Variants in RDX observed in about 807,000 individuals in gnomAD.
RDX encodes the protein deafness, autosomal recessive 24.
Under a neutral mutation model 83.7 loss-of-function variants are expected in RDX, and 32 were observed. That is an observed-to-expected ratio of 0.38 (90% CI 0.29 to 0.51). RDX has a LOEUF of 0.51. Among genes scored for constraint, RDX ranks in the 20% least tolerant of loss-of-function variants. The pLI is 0.87. For synonymous variants in RDX, 229 were observed against 222.7 expected, an observed-to-expected ratio of 1.03 and a Z score of -0.25; for missense variants, 600 against 689.9, an observed-to-expected ratio of 0.87 and a Z score of 1.46.
chr11:110,242,674 TA>T (rs1207720349), intron 10 of RDX, among the ~76,000 whole-genome samples: 1 of 152,170 alleles, frequency 6.6e-6, no homozygotes, highest in African/African-American at 2.4e-5. Flanking sequence ...AAGAATTGTA[TA>T]AAAGTGTAAG....
At chr11:110,241,901 TTA>T (rs1322156718) in intron 10 of RDX, among the ~76,000 whole-genome samples, 3 of 152,184 alleles carry the variant, frequency 2.0e-5, no homozygotes, top group Non-Finnish European at 4.4e-5. Context: ...CTTGAGGGCA[TTA>T]TGTTAAGTGA....
chr11:110,198,812 G>A (rs1221014555), intron 15 of RDX, among the ~76,000 whole-genome samples: 3 of 141,250 alleles, frequency 2.1e-5, no homozygotes, highest in Non-Finnish European at 4.6e-5. Flanking sequence ...AAGTAAATCT[G>A]AATACGTCTT....
chr11:110,249,454 C>T (rs962670846), intron 9 of RDX, among the ~76,000 whole-genome samples: 3 of 152,128 alleles, frequency 2.0e-5, no homozygotes, highest in African/African-American at 7.2e-5. Context: ...AGAGAGCTTA[C>T]CTTTGGGGCA....
chr11:110,272,731 C>A, intron 2 of RDX, 112 bp from the exon 3 acceptor site: 1 of 763,350 alleles, frequency 1.3e-6, no homozygotes, highest in Non-Finnish European at 2.2e-6. Context: ...CACAAGAAAT[C>A]TTAAATCTAT....
chr11:110,264,421 T>C (rs1859936598), intron 4 of RDX, among the ~76,000 whole-genome samples, 187 bp from the exon 5 acceptor site: 1 of 152,228 alleles, frequency 6.6e-6, no homozygotes, highest in Admixed American at 6.5e-5. Flanking sequence ...CTCTTGAATG[T>C]GACCTATAAC....
intron 14 of RDX, among the ~76,000 whole-genome samples, chr11:110,213,028 A>G (rs1363161573): frequency 1.3e-5 from 2 of 148,848 alleles, no homozygotes; most frequent in Non-Finnish European, 3.0e-5. Flanking sequence ...TTCAATTAGG[A>G]AAAGAGGAAG....
intron 14 of RDX, among the ~76,000 whole-genome samples, chr11:110,215,047 A>ATATATATAT: frequency 8.6e-6 from 1 of 116,054 alleles, no homozygotes; most frequent in South Asian, 2.6e-4. Context: ...AAAAAAAAAA[A>ATATATATAT]AAATATATAT....
chr11:110,270,245 C>T (rs1860250288), intron 3 of RDX, among the ~76,000 whole-genome samples: 1 of 151,982 alleles, frequency 6.6e-6, no homozygotes, highest in Admixed American at 6.6e-5. Flanking sequence ...AATGGTATAG[C>T]CTACTACACA....
intron 15 of RDX, among the ~76,000 whole-genome samples, chr11:110,177,243 C>T (rs973354454): frequency 6.6e-6 from 1 of 152,246 alleles, no homozygotes; most frequent in Non-Finnish European, 1.5e-5. Flanking sequence ...GAGGCCGCGA[C>T]AGTGCGAACT....
intron 14 of RDX, among the ~76,000 whole-genome samples, chr11:110,215,052 ATAT>A (rs1565295573): frequency 0.025 from 1,528 of 60,558 alleles, 20 homozygotes; most frequent in East Asian, 0.14. Context: ...AAAAAAAAAT[ATAT>A]ATATATATAT....
rs796202118 is a variant in RDX at position 110,259,782 on chromosome 11, A to G, written c.468-1593T>C. On this transcript the variant is annotated intron_variant, in intron 5 of 13. Coordinates refer to ENST00000645495, the MANE Select transcript of RDX (RefSeq NM_002906.4). ...CCATAATTATATGCCCAATGCCAGT[A>G]CTAAAGAGGGCCTCGAAAATTTGTA... Among the ~76,000 whole-genome samples the G allele has an allele frequency of 9.8e-5, 15 of 152,322 alleles. 1 individual carries two copies. The highest frequency in any genetic ancestry group is 3.4e-4 in the African/African-American group (14 of 41,576).
chr11:110,281,412 C>T (rs1860756387), intron 1 of RDX, among the ~76,000 whole-genome samples: 1 of 151,850 alleles, frequency 6.6e-6, no homozygotes, highest in Non-Finnish European at 1.5e-5. Context: ...TCACTGCAAC[C>T]TCTGCCTCCT....
At chr11:110,209,485 C>A (rs1235802363) in intron 14 of RDX, among the ~76,000 whole-genome samples, 1 of 152,218 alleles carries the variant, frequency 6.6e-6, no homozygotes, top group African/African-American at 2.4e-5. Flanking sequence ...GTGGAGCCCA[C>A]CACAGCTCAA....
chr11:110,293,384 G>GT (rs1281985017), intron 1 of RDX, among the ~76,000 whole-genome samples: 6 of 151,964 alleles, frequency 3.9e-5, no homozygotes, highest in East Asian at 1.9e-4. Context: ...CACTTTTATA[G>GT]TTTTTTTTAA....
chr11:110,207,423 G>T (rs1489570686), intron 14 of RDX, among the ~76,000 whole-genome samples: 1 of 152,126 alleles, frequency 6.6e-6, no homozygotes, highest in East Asian at 1.9e-4. Context: ...AAGTATCTAA[G>T]AAATCCCTTC....
chr11:110,257,955 A>G, intron 6 of RDX, 42 bp from the exon 7 acceptor site: 1 of 1,588,020 alleles, frequency 6.3e-7, no homozygotes, highest in African/African-American at 1.3e-5. Flanking sequence ...AAGTAGGAGC[A>G]TATCAAACTA....
chr11:110,274,523 T>C (rs1247041017), intron 2 of RDX, among the ~76,000 whole-genome samples: 2 of 152,176 alleles, frequency 1.3e-5, no homozygotes, highest in East Asian at 1.9e-4. Context: ...CACTTTTTTT[T>C]CCCTGTTGCC....
At position 110,264,061 on chromosome 11, in the gene RDX, T is replaced by C. The variant is rs771605650; in HGVS notation, c.366A>G (p.Ala122=). 5.6e-6 allele frequency: 9 copies of C among 1,613,568 alleles called. No individual in the cohort carries two copies. In the South Asian group the frequency reaches 9.9e-5, roughly 18 times the overall value. ...GGACAGCATAGGAAGCCAAAAGAAC[T>C]GCAGTTTCTGGCGGGCAATATATCT... ...NDEIYCPPET[A]VLLASYAVQA... is the part of the protein sequence containing the mutation. Residue 122 remains alanine, a synonymous_variant, in exon 5 of 14, where the codon GCA becomes GCG. Coordinates refer to ENST00000645495, the MANE Select transcript of RDX (RefSeq NM_002906.4).
At chr11:110,280,654 C>T (rs989589546) in intron 1 of RDX, among the ~76,000 whole-genome samples, 1 of 152,244 alleles carries the variant, frequency 6.6e-6, no homozygotes, top group African/African-American at 2.4e-5. Flanking sequence ...TAACAACCTG[C>T]ATTCAGCTAG....
Sources: gnomAD v4.1 joint callset for allele counts (sites outside exome capture counted in the v4.1 genomes callset) on GRCh38, gnomAD v4.1.1 for gene constraint, MANE v1.5 for transcripts, NCBI Gene and HGNC (gene_info 2026-07-23, HGNC 2026-07-21) for gene names.